Variants in MAD1L1 observed in about 807,000 individuals in gnomAD.
MAD1L1 encodes the protein mitotic arrest deficient 1 like 1, also known as mitotic spindle assembly checkpoint protein MAD1.
A neutral mutation model predicts 96.9 loss-of-function variants in MAD1L1; 95 were observed. That is an observed-to-expected ratio of 0.98 (90% confidence interval 0.83 to 1.16). MAD1L1 has a LOEUF of 1.16. Among genes scored for constraint, MAD1L1 ranks in the 50% most tolerant of loss-of-function variants. The pLI, the probability that MAD1L1 is intolerant of heterozygous loss-of-function variation, is 0.00. For synonymous variants in MAD1L1, 473 were observed against 396.6 expected, an observed-to-expected ratio of 1.19 and a Z score of -2.29; for missense variants, 1,007 against 954.4, an observed-to-expected ratio of 1.06 and a Z score of -0.73.
chr7:2,130,640 A>C (rs1788468785), intron 11 of MAD1L1, among the ~76,000 whole-genome samples: 1 of 152,220 alleles, frequency 6.6e-6, no homozygotes, highest in Non-Finnish European at 1.5e-5. Flanking sequence ...CCAGGGGGAA[A>C]AAGTTAAGCC....
chr7:1,972,500 A>G (rs1459162616), intron 15 of MAD1L1, among the ~76,000 whole-genome samples: 1 of 152,196 alleles, frequency 6.6e-6, no homozygotes, highest in South Asian at 2.1e-4. Flanking sequence ...CTTAATGGCT[A>G]CAGGGCCTGT....
chr7:2,047,671 C>T (rs918926451), intron 12 of MAD1L1, among the ~76,000 whole-genome samples: 1 of 152,228 alleles, frequency 6.6e-6, no homozygotes, highest in African/African-American at 2.4e-5. Flanking sequence ...CAGATGCACA[C>T]ACATGTGCGC....
At chr7:1,839,512 C>T (rs988970420) in intron 18 of MAD1L1, among the ~76,000 whole-genome samples, 2 of 152,206 alleles carry the variant, frequency 1.3e-5, no homozygotes, top group Admixed American at 6.5e-5. Flanking sequence ...TGACAAACCC[C>T]CAGCCTCTTC....
intron 11 of MAD1L1, among the ~76,000 whole-genome samples, chr7:2,099,007 A>C (rs962440442): frequency 2.6e-5 from 4 of 152,194 alleles, no homozygotes; most frequent in East Asian, 3.8e-4. Flanking sequence ...CTGGGGATGG[A>C]GGGCACCCTG....
At chr7:1,931,749 C>A (rs1423470830) in intron 17 of MAD1L1, among the ~76,000 whole-genome samples, 1 of 151,074 alleles carries the variant, frequency 6.6e-6, no homozygotes, top group Non-Finnish European at 1.5e-5. Context: ...CTGTGTGAGG[C>A]TGCTCAGGGC....
At chr7:1,829,662 A>G (rs911638340) in intron 18 of MAD1L1, 2 of 150,846 alleles carry the variant, frequency 1.3e-5, no homozygotes, top group African/African-American at 4.9e-5. Context: ...AATTTTCTGA[A>G]ATGTGTGGAA....
chr7:1,919,652 C>T lies in MAD1L1; in HGVS notation c.1807+17035G>A, dbSNP rs997811208. Among the ~76,000 whole-genome samples the T allele has an allele frequency of 3.3e-5, 5 of 152,218 alleles. No individual in the cohort carries two copies. In the South Asian group the frequency reaches 1.0e-3, roughly 32 times the overall value. ...ATGCTGAGCACACATCATGGGCCAG[C>T]GGTGCCTCTGCTATAAACACACCCT... On this transcript the variant is annotated intron_variant, in intron 17 of 18. Transcript: ENST00000265854.
intron 10 of MAD1L1, among the ~76,000 whole-genome samples, chr7:2,171,535 C>T (rs1790705107): frequency 1.5e-5 from 2 of 136,532 alleles, no homozygotes; most frequent in South Asian, 2.1e-4. Flanking sequence ...TCACCTCCAC[C>T]GTGCAAAGGA....
chr7:2,208,936 T>C lies in MAD1L1; in HGVS notation c.986+4276A>G, dbSNP rs533275188. ...CCAGACACACGCCTCGCACTGCTGC[T>C]AACTCCCTCAGCCCAACTTCCAGCA... On this transcript the variant is annotated intron_variant, in intron 10 of 18. Transcript: ENST00000265854. Among the ~76,000 whole-genome samples, 8 of 152,204 alleles carry C rather than the reference T, an allele frequency of 5.3e-5. No homozygotes were observed. In the East Asian group the frequency reaches 1.5e-3, roughly 29 times the overall value.
chr7:1,956,882 G>A (rs763584521), intron 16 of MAD1L1, among the ~76,000 whole-genome samples: 2 of 152,250 alleles, frequency 1.3e-5, no homozygotes, highest in Non-Finnish European at 2.9e-5. Flanking sequence ...GCTGGAAGCT[G>A]GAGCAGGGAA....
At chr7:1,839,003 C>T (rs1478467605) in intron 18 of MAD1L1, 3 of 367,898 alleles carry the variant, frequency 8.2e-6, no homozygotes, top group African/African-American at 2.1e-5. Flanking sequence ...CAGCCAGGAA[C>T]TGCCTGCCAG....
chr7:1,970,484 C>A (rs1780357128), intron 15 of MAD1L1, among the ~76,000 whole-genome samples: 1 of 151,938 alleles, frequency 6.6e-6, no homozygotes, highest in Non-Finnish European at 1.5e-5. Flanking sequence ...CAGGCACGCG[C>A]CACCACGCCC....
At chr7:1,822,952 C>G (rs114289552) in intron 18 of MAD1L1, among the ~76,000 whole-genome samples, 2,119 of 152,096 alleles carry the variant, frequency 0.014, 43 homozygotes, top group African/African-American at 0.048. Context: ...CGAAAGAGAC[C>G]CACAGACGCG....
intron 13 of MAD1L1, among the ~76,000 whole-genome samples, chr7:2,004,116 T>C (rs1277875054): frequency 6.6e-6 from 1 of 152,156 alleles, no homozygotes; most frequent in Admixed American, 6.5e-5. Flanking sequence ...ACTCAGGCTC[T>C]CCTCACGCAG....
chr7:2,205,089 T>C (rs905690831), intron 10 of MAD1L1, among the ~76,000 whole-genome samples: 49 of 124,918 alleles, frequency 3.9e-4, no homozygotes, highest in African/African-American at 1.6e-3. Context: ...CTTTTCTTTT[T>C]TTTTTTTTTT....
chr7:1,822,704 G>C lies in MAD1L1; in HGVS notation c.1999-6476C>G, dbSNP rs1452972491. Among the ~76,000 whole-genome samples, 3 of 150,684 alleles carry C rather than the reference G, an allele frequency of 2.0e-5. 1 individual carries two copies. The South Asian group carries it at 6.3e-4, about 32-fold the overall frequency. ...TTCCCCAAGTGTTGGGATTACAGGC[G>C]TGAGCCACCATGCCCGGCCAGCATT... On this transcript the variant is annotated intron_variant, in intron 18 of 18. Transcript: ENST00000265854.
chr7:2,130,183 G>A (rs1788446256), intron 11 of MAD1L1, among the ~76,000 whole-genome samples: 1 of 152,234 alleles, frequency 6.6e-6, no homozygotes, highest in Admixed American at 6.5e-5. Flanking sequence ...CAGGTGCCTG[G>A]CTGGGCGCAG....
chr7:2,102,836 C>T (rs899495378), intron 11 of MAD1L1, among the ~76,000 whole-genome samples: 2 of 152,206 alleles, frequency 1.3e-5, no homozygotes, highest in Non-Finnish European at 2.9e-5. Flanking sequence ...CCACTCTCCA[C>T]GCCATCCTCA....
At chr7:1,910,067 C>A (rs774890486) in intron 17 of MAD1L1, among the ~76,000 whole-genome samples, 1 of 152,144 alleles carries the variant, frequency 6.6e-6, no homozygotes, top group Non-Finnish European at 1.5e-5. Flanking sequence ...ATTACAGCCA[C>A]CAGATTACGG....
Sources: gnomAD v4.1 joint callset for allele counts (sites outside exome capture counted in the v4.1 genomes callset) on GRCh38, gnomAD v4.1.1 for gene constraint, MANE v1.5 for transcripts, NCBI Gene and HGNC (gene_info 2026-07-23, HGNC 2026-07-21) for gene names.